ARHGAP18: variants seen among roughly 807,000 people sequenced by gnomAD.
The protein encoded by ARHGAP18 is rho GTPase-activating protein 18.
Under a neutral mutation model 86.2 loss-of-function variants are expected in ARHGAP18, and 67 were observed. The ratio of observed to expected loss-of-function variants is 0.78; its 90% CI spans 0.64 to 0.95. ARHGAP18 has a LOEUF of 0.95. ARHGAP18 is among the 40% of genes least tolerant of loss of function. ARHGAP18 has a pLI of 0.00. For missense variants in ARHGAP18, 691 were observed against 780.4 expected (o/e 0.89, Z 1.37); for synonymous variants, 283 against 280.4 (o/e 1.01, Z -0.09).
Position 129,595,056 on chromosome 6 carries a change from CT to C in ARHGAP18, c.1713+4159del, listed in dbSNP as rs1199316028. Among the ~76,000 whole-genome samples the C allele has an allele frequency of 2.6e-5, 4 of 152,166 alleles. No individual in the cohort carries two copies. The South Asian group carries it at 8.3e-4, about 32-fold the overall frequency. ...ATTCCTATCTAGATAACCTTAGTAA[CT>C]TTAAGATTGCTAATTCTCACTTTCC... On this transcript the variant is annotated intron_variant, in intron 12 of 14. Coordinates refer to ENST00000368149, the MANE Select transcript of ARHGAP18 (RefSeq NM_033515.3).
intron 8 of ARHGAP18, among the ~76,000 whole-genome samples, chr6:129,610,649 A>T (rs1432459360): frequency 2.0e-5 from 3 of 151,662 alleles, no homozygotes; most frequent in African/African-American, 7.3e-5. Flanking sequence ...TTCTTTTGAG[A>T]CGAAGTCTCG....
chr6:129,624,516 G>A (rs974892850), intron 5 of ARHGAP18, among the ~76,000 whole-genome samples: 4 of 151,772 alleles, frequency 2.6e-5, no homozygotes, highest in Non-Finnish European at 5.9e-5. Context: ...ATTCCATCTC[G>A]AGAAAAACAA....
At chr6:129,613,928 A>C (rs1246915002) in intron 7 of ARHGAP18, among the ~76,000 whole-genome samples, 1 of 151,986 alleles carries the variant, frequency 6.6e-6, no homozygotes, top group Non-Finnish European at 1.5e-5. Flanking sequence ...ATGTGAATTG[A>C]AAAATGAAAT....
At chr6:129,650,931 T>C (rs142894984) in intron 1 of ARHGAP18, among the ~76,000 whole-genome samples, 102 of 152,302 alleles carry the variant, frequency 6.7e-4, no homozygotes, top group Admixed American at 1.9e-3. Flanking sequence ...CCTCCCCGCA[T>C]TCCTTACCAC....
chr6:129,603,152 G>A (rs769322996), intron 10 of ARHGAP18, among the ~76,000 whole-genome samples: 2 of 151,754 alleles, frequency 1.3e-5, no homozygotes, highest in East Asian at 3.9e-4. Flanking sequence ...CTTCTCCTAC[G>A]CTTCCACCGA....
intron 4 of ARHGAP18, among the ~76,000 whole-genome samples, chr6:129,633,726 G>T (rs1431120382): frequency 6.6e-6 from 1 of 152,058 alleles, no homozygotes; most frequent in Non-Finnish European, 1.5e-5. Context: ...CTGTAAAATG[G>T]GTTAAGAACA....
Position 129,623,696 on chromosome 6 carries a change from C to G in ARHGAP18, c.787-4844G>C, listed in dbSNP as rs943099347. Among the ~76,000 whole-genome samples, 37 of 152,084 alleles carry G rather than the reference C, an allele frequency of 2.4e-4. 1 individual carries two copies. The highest frequency in any genetic ancestry group is 2.2e-3 in the Admixed American group (33 of 15,272). The stretch of plus-strand genomic sequence containing the variant: ...CTTACTTTTTCAACCATGGGAAAGA[C>G]TTGTAGAAATTTAACAATGAGTCCA... On this transcript the variant is annotated intron_variant, in intron 5 of 14. Transcript: ENST00000368149.
At chr6:129,649,013 A>T (rs1226104455) in intron 1 of ARHGAP18, among the ~76,000 whole-genome samples, 1 of 152,212 alleles carries the variant, frequency 6.6e-6, no homozygotes, top group Non-Finnish European at 1.5e-5. Context: ...AAGAACACTG[A>T]TAATGCCTGA....
rs537176755 is a variant in ARHGAP18 at position 129,592,038 on chromosome 6, A to G, written c.1713+7178T>C. Among the ~76,000 whole-genome samples, 19 of 152,344 alleles carry G rather than the reference A, an allele frequency of 1.2e-4. No individual in the cohort carries two copies. The East Asian group carries it at 2.5e-3, about 20-fold the overall frequency. On this transcript the variant is annotated intron_variant, in intron 12 of 14. Coordinates refer to ENST00000368149, the MANE Select transcript of ARHGAP18 (RefSeq NM_033515.3). Reference sequence around the variant, plus strand: ...CTCACAGATTCAGAGGATTTTAAAGAAAGGCTTAAAATAACTTCCATAGTT... The same window carrying G: ...CTCACAGATTCAGAGGATTTTAAAGGAAGGCTTAAAATAACTTCCATAGTT...
chr6:129,676,691 G>A (rs900355365), intron 1 of ARHGAP18, among the ~76,000 whole-genome samples: 6 of 152,044 alleles, frequency 3.9e-5, no homozygotes, highest in Non-Finnish European at 7.4e-5. Context: ...ACTCATCAGG[G>A]ATTCTAGGTT....
chr6:129,630,619 A>C (rs1446754695), intron 4 of ARHGAP18, among the ~76,000 whole-genome samples: 1 of 152,240 alleles, frequency 6.6e-6, no homozygotes, highest in African/African-American at 2.4e-5. Context: ...ATTCATTTAC[A>C]TTAAAAATGA....
chr6:129,592,110 A>C (rs540864197), intron 12 of ARHGAP18, among the ~76,000 whole-genome samples: 17 of 152,162 alleles, frequency 1.1e-4, no homozygotes, highest in Admixed American at 2.0e-4. Context: ...ATTTTTTTTT[A>C]ATGTGGTATT....
rs192765541 is a variant in ARHGAP18, at chr6:129,687,887, G to A, written c.113+22137C>T. On this transcript the variant is annotated intron_variant, in intron 1 of 14. Transcript: ENST00000368149. ...CAGAGATGTTTTGTAACTCACCCAC[G>A]GTCAGTTAACCAATAAGGGTAGATC... 1.4e-3 allele frequency among the ~76,000 whole-genome samples: 219 copies of A among 152,124 alleles called. 1 individual carries two copies. Among genetic ancestry groups the A allele is most frequent in the Middle Eastern group, 3.4e-3 (1 of 294 alleles).
chr6:129,640,563 C>T (rs921850252), intron 2 of ARHGAP18, among the ~76,000 whole-genome samples: 2 of 152,144 alleles, frequency 1.3e-5, no homozygotes, highest in South Asian at 2.1e-4. Flanking sequence ...AATAAGTTAA[C>T]CGTAGTGTTT....
At chr6:129,651,233 G>A (rs995293767) in intron 1 of ARHGAP18, among the ~76,000 whole-genome samples, 2 of 151,962 alleles carry the variant, frequency 1.3e-5, no homozygotes, top group African/African-American at 4.8e-5. Context: ...AAATTAATAA[G>A]GTAAATGTTC....
intron 1 of ARHGAP18, among the ~76,000 whole-genome samples, chr6:129,669,432 A>C (rs1263777909): frequency 1.3e-5 from 2 of 150,994 alleles, no homozygotes; most frequent in African/African-American, 4.8e-5. Flanking sequence ...TCGGCTTCCC[A>C]AAGTGCTGGG....
chr6:129,667,449 A>C (rs1024790123), intron 1 of ARHGAP18, among the ~76,000 whole-genome samples: 1 of 148,682 alleles, frequency 6.7e-6, no homozygotes, highest in Non-Finnish European at 1.5e-5. Flanking sequence ...AACCAGGTCT[A>C]TATCAAAAGA....
intron 2 of ARHGAP18, among the ~76,000 whole-genome samples, chr6:129,641,094 G>A (rs1358196282): frequency 1.3e-5 from 2 of 152,162 alleles, no homozygotes; most frequent in Admixed American, 6.5e-5. Context: ...ACCATCTACT[G>A]TCCAACTCTA....
chr6:129,594,997 C>T (rs1277725329), intron 12 of ARHGAP18, among the ~76,000 whole-genome samples: 1 of 152,048 alleles, frequency 6.6e-6, no homozygotes, highest in Non-Finnish European at 1.5e-5. Context: ...GATTTAAAGT[C>T]ATATAGATTT....
Sources: allele counts gnomAD v4.1 joint callset (sites outside exome capture counted in the v4.1 genomes callset), GRCh38; gene constraint gnomAD v4.1.1; transcripts MANE v1.5; gene names NCBI Gene and HGNC (gene_info 2026-07-23, HGNC 2026-07-21).